Variants in GAB1 observed in about 807,000 individuals in gnomAD.
The protein encoded by GAB1 is GRB2 associated binding protein 1.
Under a neutral mutation model 66.5 loss-of-function variants are expected in GAB1, and 19 were observed. The observed-to-expected ratio is 0.29, with a 90% CI of 0.20 to 0.42. GAB1 has a LOEUF of 0.42. GAB1 is among the 10% of genes least tolerant of loss of function. GAB1 has a pLI of 1.00. For missense variants in GAB1, 732 were observed against 858.5 expected (o/e 0.85, Z 1.84); for synonymous variants, 294 against 301.4 (o/e 0.98, Z 0.25).
Position 143,460,663 on chromosome 4 carries a change from G to A in GAB1, c.1803+176G>A, listed in dbSNP as rs542707743. 9.0e-4 allele frequency among the ~76,000 whole-genome samples: 136 copies of A among 151,882 alleles called. 3 individuals carry two copies. In the South Asian group the frequency reaches 0.027, roughly 31 times the overall value. On this transcript the variant is annotated intron_variant, in intron 8 of 9. Coordinates refer to ENST00000262994, the MANE Select transcript of GAB1 (RefSeq NM_002039.4). Reference sequence around the variant, plus strand: ...GTCATAAACTCTAAAACCAATAAAAGGTGAAAGTAAACTGTAAATGAGTTA... The same window carrying A: ...GTCATAAACTCTAAAACCAATAAAAAGTGAAAGTAAACTGTAAATGAGTTA...
intron 1 of GAB1, among the ~76,000 whole-genome samples, chr4:143,406,413 G>A (rs147769086): frequency 3.2e-4 from 49 of 152,186 alleles, no homozygotes; most frequent in African/African-American, 7.5e-4. Context: ...CTGGACATTT[G>A]CACCACCTCT....
intron 2 of GAB1, among the ~76,000 whole-genome samples, chr4:143,419,294 C>T (rs1001601056): frequency 6.6e-6 from 1 of 151,964 alleles, no homozygotes; most frequent in African/African-American, 2.4e-5. Context: ...GCTCATAGAG[C>T]TTACAGTCAG....
chr4:143,423,638 G>A (rs529076644), intron 2 of GAB1, among the ~76,000 whole-genome samples: 7 of 150,924 alleles, frequency 4.6e-5, no homozygotes, highest in South Asian at 2.1e-4. Flanking sequence ...TTAGCCAGGC[G>A]TGGTGGCAGG....
chr4:143,448,615 T>C (rs1265484475), intron 6 of GAB1, among the ~76,000 whole-genome samples: 2 of 151,858 alleles, frequency 1.3e-5, no homozygotes, highest in African/African-American at 4.9e-5. Context: ...GTAGTTTGTA[T>C]TTCTGTGGGA....
intron 1 of GAB1, among the ~76,000 whole-genome samples, chr4:143,367,841 C>T (rs1168867213): frequency 1.3e-5 from 2 of 151,164 alleles, no homozygotes; most frequent in Non-Finnish European, 2.9e-5. Flanking sequence ...TCTCATGCCT[C>T]AGCCCCCCAA....
intron 6 of GAB1, among the ~76,000 whole-genome samples, chr4:143,456,694 GA>G (rs1455021596): frequency 1.3e-5 from 2 of 152,134 alleles, no homozygotes; most frequent in African/African-American, 4.8e-5. Flanking sequence ...AAGAAACTTA[GA>G]TTTCGATAGG....
chr4:143,425,502 C>T (rs1207154732), intron 2 of GAB1: 1 of 761,792 alleles, frequency 1.3e-6, no homozygotes, highest in African/African-American at 1.7e-5. Flanking sequence ...CACAGATTCT[C>T]CTCTGTGCCA....
At chr4:143,371,118 C>T (rs1446802109) in intron 1 of GAB1, among the ~76,000 whole-genome samples, 3 of 152,046 alleles carry the variant, frequency 2.0e-5, no homozygotes, top group Non-Finnish European at 4.4e-5. Flanking sequence ...CCTGAGGAAT[C>T]GCCACACTGA....
intron 1 of GAB1, among the ~76,000 whole-genome samples, chr4:143,393,244 G>A (rs372565700): frequency 1.3e-3 from 183 of 139,586 alleles, no homozygotes; most frequent in African/African-American, 3.3e-3. Flanking sequence ...AAAAAAAAAA[G>A]AAAAAAAAAG....
intron 1 of GAB1, among the ~76,000 whole-genome samples, chr4:143,366,132 C>T (rs894145927): frequency 6.6e-6 from 1 of 152,118 alleles, no homozygotes; most frequent in African/African-American, 2.4e-5. Context: ...CTGTTTAAAT[C>T]GAAATTAGCC....
At chr4:143,339,614 A>C (rs548506345) in intron 1 of GAB1, among the ~76,000 whole-genome samples, 2 of 152,256 alleles carry the variant, frequency 1.3e-5, no homozygotes, top group Non-Finnish European at 2.9e-5. Context: ...GATCAGGTGC[A>C]CAGTGCTAAA....
chr4:143,379,003 T>C (rs938549691), intron 1 of GAB1, among the ~76,000 whole-genome samples: 5 of 152,164 alleles, frequency 3.3e-5, no homozygotes, highest in African/African-American at 4.8e-5. Flanking sequence ...CTAGATGTGA[T>C]AGGGGCCAAA....
chr4:143,399,839 C>T (rs371765821), intron 1 of GAB1, among the ~76,000 whole-genome samples: 2 of 151,858 alleles, frequency 1.3e-5, no homozygotes, highest in African/African-American at 2.4e-5. Context: ...CACTTAATAA[C>T]GAACACTTAG....
Position 143,438,042 on chromosome 4 carries a change from T to C in GAB1, c.637T>C (p.Cys213Arg). 1 of 1,614,048 alleles carries C rather than the reference T, an allele frequency of 6.2e-7. No homozygotes were observed. The highest frequency in any genetic ancestry group is 1.1e-5 in the South Asian group (1 of 91,064). ...AAAATCCACCTCTTCTGAAACAGAC[T>C]GCAATGATAACGTCCCTTCTCATAA... The part of the protein sequence containing the change: ...SAKSTSSETD[C>R]NDNVPSHKNP... The change falls in exon 4 of 10, where the codon TGC (cysteine) becomes CGC (arginine). Residue 213 changes from cysteine to arginine, a missense_variant. By Grantham distance (180) the Cys-to-Arg change is radical. Coordinates refer to ENST00000262994, the MANE Select transcript of GAB1 (RefSeq NM_002039.4).
chr4:143,405,491 C>A (rs1172289331), intron 1 of GAB1, among the ~76,000 whole-genome samples: 1 of 152,092 alleles, frequency 6.6e-6, no homozygotes, highest in Non-Finnish European at 1.5e-5. Flanking sequence ...AATAAGAAAA[C>A]CCACTATTGG....
At chr4:143,457,799 G>T in intron 6 of GAB1, 1 of 1,102,102 alleles carries the variant, frequency 9.1e-7, no homozygotes, top group Admixed American at 2.6e-5. Flanking sequence ...ATGCTGTATG[G>T]GGCATTGGGA....
intron 6 of GAB1, among the ~76,000 whole-genome samples, chr4:143,457,224 C>T (rs1056944713): frequency 1.3e-5 from 2 of 152,164 alleles, no homozygotes; most frequent in South Asian, 2.1e-4. Flanking sequence ...ATTACAAGGA[C>T]GTAGGCCTTC....
At chr4:143,352,115 C>T (rs1420447370) in intron 1 of GAB1, among the ~76,000 whole-genome samples, 1 of 152,184 alleles carries the variant, frequency 6.6e-6, no homozygotes, top group African/African-American at 2.4e-5. Context: ...CTCATTTTTA[C>T]TTTGCTCTCC....
chr4:143,426,082 G>A, intron 2 of GAB1: 1 of 546,658 alleles, frequency 1.8e-6, no homozygotes, highest in South Asian at 2.4e-5. Context: ...GACATTACAT[G>A]GAGTATAGTA....
Sources: gnomAD v4.1 joint callset for allele counts (sites outside exome capture counted in the v4.1 genomes callset) on GRCh38, gnomAD v4.1.1 for gene constraint, MANE v1.5 for transcripts, NCBI Gene and HGNC (gene_info 2026-07-23, HGNC 2026-07-21) for gene names.